The following PTPRD variants were observed in gnomAD, a reference collection of about 807,000 sequenced individuals.
The protein encoded by PTPRD is protein tyrosine phosphatase receptor type D.
In PTPRD, 34 loss-of-function variants were observed where a neutral mutation model predicts 214.5. The observed-to-expected ratio is 0.16, with a 90% CI of 0.12 to 0.21. The LOEUF (loss-of-function observed/expected upper bound fraction) is 0.21. Among genes scored for constraint, PTPRD ranks in the 10% least tolerant of loss-of-function variants. The pLI is 1.00. For missense variants in PTPRD, 2,545 were observed against 2,398.7 expected (o/e 1.06, Z -1.27); for synonymous variants, 1,128 against 845.7 (o/e 1.33, Z -5.79).
chr9:8,709,272 T>C (rs1334134355), intron 12 of PTPRD, among the ~76,000 whole-genome samples: 2 of 151,926 alleles, frequency 1.3e-5, no homozygotes, highest in Non-Finnish European at 2.9e-5. Flanking sequence ...GCCAGCACTT[T>C]GGGAGGCTGA....
intron 2 of PTPRD, among the ~76,000 whole-genome samples, chr9:10,505,988 G>T (rs1350334352): frequency 6.6e-6 from 1 of 152,034 alleles, no homozygotes; most frequent in Non-Finnish European, 1.5e-5. Context: ...CAGCTATAAT[G>T]ATCATTTTAC....
intron 4 of PTPRD, among the ~76,000 whole-genome samples, chr9:9,939,000 ATTTTC>A (rs2090543840): frequency 7.5e-6 from 1 of 134,180 alleles, no homozygotes; most frequent in African/African-American, 3.1e-5. Context: ...AAAATAATTC[ATTTTC>A]TGAATTCCTT....
intron 9 of PTPRD, among the ~76,000 whole-genome samples, chr9:9,225,706 C>A (rs1363943696): frequency 6.6e-6 from 1 of 151,838 alleles, no homozygotes; most frequent in Non-Finnish European, 1.5e-5. Context: ...AACAGTTTCA[C>A]AACAGGAAGA....
chr9:8,748,194 G>T (rs1367766645), intron 11 of PTPRD, among the ~76,000 whole-genome samples: 2 of 152,128 alleles, frequency 1.3e-5, no homozygotes, highest in South Asian at 4.1e-4. Context: ...TGAGAGCGGG[G>T]ACTGAGAGAC....
chr9:9,965,385 G>C (rs1232928739), intron 4 of PTPRD, among the ~76,000 whole-genome samples: 1 of 152,064 alleles, frequency 6.6e-6, no homozygotes. Flanking sequence ...GGTGAGGCAG[G>C]TATAAAGACA....
At chr9:10,185,486 T>G (rs2099326066) in intron 3 of PTPRD, among the ~76,000 whole-genome samples, 1 of 152,180 alleles carries the variant, frequency 6.6e-6, no homozygotes, top group African/African-American at 2.4e-5. Flanking sequence ...TTCTAGGCAC[T>G]TCACATATAT....
intron 8 of PTPRD, among the ~76,000 whole-genome samples, chr9:9,455,051 A>G (rs1255236001): frequency 1.3e-5 from 2 of 151,632 alleles, no homozygotes; most frequent in Non-Finnish European, 3.0e-5. Flanking sequence ...CCATTTCCTG[A>G]TAAGAATTTT....
chr9:10,099,271 A>G (rs777568852), intron 3 of PTPRD, among the ~76,000 whole-genome samples: 1 of 151,740 alleles, frequency 6.6e-6, no homozygotes. Flanking sequence ...CCTTCAGCAA[A>G]TTACCTAACC....
chr9:9,963,140 T>A (rs2094471758), intron 4 of PTPRD, among the ~76,000 whole-genome samples: 1 of 152,142 alleles, frequency 6.6e-6, no homozygotes, highest in African/African-American at 2.4e-5. Context: ...GGATTTAATG[T>A]CTTCTTCCAT....
At chr9:10,609,703 A>T (rs551557480) in intron 2 of PTPRD, among the ~76,000 whole-genome samples, 2 of 152,254 alleles carry the variant, frequency 1.3e-5, no homozygotes, top group South Asian at 2.1e-4. Flanking sequence ...AAGCAAAAAA[A>T]GTTATGAATA....
chr9:10,360,175 G>C (rs1278375700), intron 2 of PTPRD, among the ~76,000 whole-genome samples: 2 of 152,210 alleles, frequency 1.3e-5, no homozygotes, highest in Non-Finnish European at 2.9e-5. Flanking sequence ...CTAGAGGCTG[G>C]AAATTTGAGT....
intron 5 of PTPRD, among the ~76,000 whole-genome samples, chr9:9,842,997 C>G (rs1017326384): frequency 6.6e-6 from 1 of 152,078 alleles, no homozygotes; most frequent in Non-Finnish European, 1.5e-5. Context: ...CAGGAGTTAG[C>G]AAACTATGGC....
In PTPRD at chr9:8,449,795, G is replaced by T. The variant is rs144935952; in HGVS notation, c.3918C>A (p.Asn1306Lys). Reference sequence around the variant, plus strand: ...GGTGGTGTGAAGGGATCTCCTTATTGTTCGGTATGCTGCTTTTTCTAGAGT... The same window carrying T: ...GGTGGTGTGAAGGGATCTCCTTATTTTTCGGTATGCTGCTTTTTCTAGAGT... Reference protein sequence around the residue: ...ESDSRKSSIPNNKEIPSHHPT... With the variant: ...ESDSRKSSIPKNKEIPSHHPT... Residue 1306 changes from asparagine (N) to lysine (K), a missense_variant, in exon 34 of 46, where the codon AAC becomes AAA. Asn to Lys is a moderately conservative substitution (Grantham distance 94). Transcript: ENST00000381196. 1.5e-5 allele frequency: 25 copies of T among 1,613,930 alleles called. No homozygotes were observed. Among genetic ancestry groups the T allele is most frequent in the Non-Finnish European group, 2.1e-5 (25 of 1,179,958 alleles).
chr9:8,593,922 A>G (rs2094303441), intron 14 of PTPRD, among the ~76,000 whole-genome samples: 1 of 152,172 alleles, frequency 6.6e-6, no homozygotes, highest in Non-Finnish European at 1.5e-5. Flanking sequence ...TGGCCCTGGG[A>G]ACCTAGTGAG....
chr9:8,732,271 T>C (rs1264005027), intron 12 of PTPRD, among the ~76,000 whole-genome samples: 1 of 152,200 alleles, frequency 6.6e-6, no homozygotes, highest in Non-Finnish European at 1.5e-5. Flanking sequence ...TCTGGAAATA[T>C]AACTTCATGG....
At chr9:9,736,560 T>G (rs1404188816) in intron 6 of PTPRD, among the ~76,000 whole-genome samples, 3 of 152,066 alleles carry the variant, frequency 2.0e-5, no homozygotes, top group Non-Finnish European at 2.9e-5. Flanking sequence ...AGCAAATAAT[T>G]TAAATAGTGT....
intron 2 of PTPRD, among the ~76,000 whole-genome samples, chr9:10,478,743 A>AAT (rs904720456): frequency 4.6e-5 from 7 of 150,982 alleles, no homozygotes; most frequent in Non-Finnish European, 7.4e-5. Flanking sequence ...TATGTATATA[A>AAT]ATATATATAT....
At chr9:9,238,009 TCAAGTCCCTTTCTC>T (rs377718906) in intron 9 of PTPRD, among the ~76,000 whole-genome samples, 173 of 152,258 alleles carry the variant, frequency 1.1e-3, no homozygotes, top group African/African-American at 4.0e-3. Context: ...ATGTTCCCCT[TCAAGTCCCTTTCTC>T]CTCCATTTGG....
chr9:9,472,412 C>A (rs2094681000), intron 8 of PTPRD, among the ~76,000 whole-genome samples: 1 of 151,620 alleles, frequency 6.6e-6, no homozygotes, highest in Non-Finnish European at 1.5e-5. Flanking sequence ...ACCTTGTTAG[C>A]CAGGATGGTC....
Sources: allele counts gnomAD v4.1 joint callset (sites outside exome capture counted in the v4.1 genomes callset), GRCh38; gene constraint gnomAD v4.1.1; transcripts MANE v1.5; gene names NCBI Gene and HGNC (gene_info 2026-07-23, HGNC 2026-07-21).